TBC1D5: variants seen among roughly 807,000 people sequenced by gnomAD.
The protein encoded by TBC1D5 is TBC1 domain family member 5.
A neutral mutation model predicts 100.3 loss-of-function variants in TBC1D5; 75 were observed. The observed-to-expected ratio is 0.75, with a 90% CI of 0.62 to 0.91. TBC1D5 has a LOEUF of 0.91. Among genes scored for constraint, TBC1D5 ranks in the 40% least tolerant of loss-of-function variants. The probability of loss-of-function intolerance (pLI) is 0.00; values close to 1 mark genes in which losing one functional copy is unlikely to be tolerated. For missense variants in TBC1D5, 910 were observed against 942.4 expected, an observed-to-expected ratio of 0.97 and a Z score of 0.45; for synonymous variants, 323 against 325.6, an observed-to-expected ratio of 0.99 and a Z score of 0.09.
At chr3:17,713,199 TG>T (rs1276413548) in intron 1 of TBC1D5, among the ~76,000 whole-genome samples, 1 of 152,036 alleles carries the variant, frequency 6.6e-6, no homozygotes, top group African/African-American at 2.4e-5. Flanking sequence ...ATAGATAAAC[TG>T]GGTATCATCA....
intron 13 of TBC1D5, among the ~76,000 whole-genome samples, chr3:17,312,217 T>C (rs1330347487): frequency 6.6e-6 from 1 of 152,086 alleles, no homozygotes; most frequent in Non-Finnish European, 1.5e-5. Flanking sequence ...ATATTTAATT[T>C]GAACTTCTTT....
intron 2 of TBC1D5, among the ~76,000 whole-genome samples, chr3:17,601,268 T>C (rs1340589553): frequency 2.6e-5 from 4 of 152,266 alleles, no homozygotes; most frequent in South Asian, 2.1e-4. Flanking sequence ...CCCAGCACTT[T>C]GGGAGGCCCA....
At chr3:17,685,300 G>C (rs1348022994) in intron 1 of TBC1D5, among the ~76,000 whole-genome samples, 1 of 151,914 alleles carries the variant, frequency 6.6e-6, no homozygotes, top group Non-Finnish European at 1.5e-5. Flanking sequence ...AAACTAGTCA[G>C]TAACAATGCA....
intron 1 of TBC1D5, among the ~76,000 whole-genome samples, chr3:17,634,619 A>T (rs1361260585): frequency 1.3e-5 from 2 of 150,946 alleles, no homozygotes; most frequent in Non-Finnish European, 3.0e-5. Flanking sequence ...GGGGATGGCT[A>T]ATAGGGTAAA....
chr3:17,698,091 C>G (rs1357064827), intron 1 of TBC1D5, among the ~76,000 whole-genome samples: 1 of 151,956 alleles, frequency 6.6e-6, no homozygotes, highest in East Asian at 1.9e-4. Flanking sequence ...CCAAGTCAAT[C>G]CTAAGCCAAA....
intron 3 of TBC1D5, among the ~76,000 whole-genome samples, chr3:17,455,016 C>T (rs759566123): frequency 4.6e-5 from 7 of 151,598 alleles, no homozygotes; most frequent in Non-Finnish European, 8.8e-5. Flanking sequence ...GTCCATACTA[C>T]CCAAAGCAGT....
intron 2 of TBC1D5, among the ~76,000 whole-genome samples, chr3:17,547,824 T>G (rs546724076): frequency 6.6e-6 from 1 of 152,214 alleles, no homozygotes; most frequent in Admixed American, 6.5e-5. Flanking sequence ...CAATGAGACA[T>G]CTATGAAATC....
At chr3:17,719,596 A>C (rs2075526668) in intron 1 of TBC1D5, among the ~76,000 whole-genome samples, 1 of 152,190 alleles carries the variant, frequency 6.6e-6, no homozygotes, top group Admixed American at 6.5e-5. Context: ...TCTACTTAAC[A>C]AACAATAGTA....
At position 17,178,239 on chromosome 3, in the gene TBC1D5, G is replaced by C. The variant is rs188202378; in HGVS notation, c.1852+6870C>G. ...CACCACCACGCCTGGCTAATTTTTT[G>C]TATTTTTAGTAGAGACGGGGTTTCA... On this transcript the variant is annotated intron_variant, in intron 19 of 21. Coordinates refer to ENST00000253692, the Ensembl canonical transcript of TBC1D5. 3.9e-5 allele frequency among the ~76,000 whole-genome samples: 6 copies of C among 152,032 alleles called. No homozygotes were observed. In the East Asian group the frequency reaches 1.2e-3, roughly 29 times the overall value.
intron 2 of TBC1D5, among the ~76,000 whole-genome samples, chr3:17,545,696 A>G (rs1390434032): frequency 3.9e-5 from 6 of 152,206 alleles, no homozygotes; most frequent in African/African-American, 1.4e-4. Context: ...ACAACATTCA[A>G]TGGGTCACCA....
At chr3:17,315,065 C>A (rs147877836) in intron 13 of TBC1D5, among the ~76,000 whole-genome samples, 1 of 152,130 alleles carries the variant, frequency 6.6e-6, no homozygotes, top group Non-Finnish European at 1.5e-5. Context: ...TGATGCTGCT[C>A]GTGTGGGAAC....
At chr3:17,380,592 T>C (rs941625755) in intron 9 of TBC1D5, among the ~76,000 whole-genome samples, 3 of 152,108 alleles carry the variant, frequency 2.0e-5, no homozygotes, top group African/African-American at 7.2e-5. Context: ...ATTGTCAGCA[T>C]TTCTGCCTGC....
At chr3:17,186,477 G>A (rs1398405923) in intron 18 of TBC1D5, among the ~76,000 whole-genome samples, 1 of 151,992 alleles carries the variant, frequency 6.6e-6, no homozygotes, top group East Asian at 1.9e-4. Flanking sequence ...GAGAGGCAGA[G>A]GCAGGCAGAT....
chr3:17,685,373 T>A (rs2070116059), intron 1 of TBC1D5, among the ~76,000 whole-genome samples: 1 of 152,034 alleles, frequency 6.6e-6, no homozygotes, highest in Non-Finnish European at 1.5e-5. Context: ...CGTGAAGATG[T>A]ATTAATAATT....
chr3:17,586,164 C>T (rs926191283), intron 2 of TBC1D5, among the ~76,000 whole-genome samples: 3 of 152,156 alleles, frequency 2.0e-5, no homozygotes, highest in Non-Finnish European at 2.9e-5. Flanking sequence ...AGAAACAGAT[C>T]AGGAAACTGA....
At chr3:17,522,935 T>C (rs566439125) in intron 2 of TBC1D5, among the ~76,000 whole-genome samples, 1 of 152,310 alleles carries the variant, frequency 6.6e-6, no homozygotes, top group East Asian at 1.9e-4. Context: ...CTTCATACCA[T>C]GCTTTGTCAT....
chr3:17,284,857 CTAAT>C (rs1172580790), intron 15 of TBC1D5, among the ~76,000 whole-genome samples: 1 of 151,828 alleles, frequency 6.6e-6, no homozygotes. Flanking sequence ...GAAAATACAC[CTAAT>C]TAGTCACTAA....
At chr3:17,532,190 C>T (rs1177696464) in intron 2 of TBC1D5, among the ~76,000 whole-genome samples, 16 of 152,178 alleles carry the variant, frequency 1.1e-4, no homozygotes, top group Non-Finnish European at 2.2e-4. Context: ...TGAACAGACA[C>T]TTCTCAAAAG....
intron 3 of TBC1D5, among the ~76,000 whole-genome samples, chr3:17,435,667 G>T (rs2094522216): frequency 6.6e-6 from 1 of 152,182 alleles, no homozygotes; most frequent in Non-Finnish European, 1.5e-5. Flanking sequence ...GTGAGATTTG[G>T]GTGGGGCCAC....
Sources: allele counts gnomAD v4.1 joint callset (sites outside exome capture counted in the v4.1 genomes callset), GRCh38; gene constraint gnomAD v4.1.1; transcripts MANE v1.5; gene names NCBI Gene and HGNC (gene_info 2026-07-23, HGNC 2026-07-21).